SEPTIN9: variants seen among roughly 807,000 people sequenced by gnomAD.
The protein encoded by SEPTIN9 is septin-9.
In SEPTIN9, 13 loss-of-function variants were observed where a neutral mutation model predicts 56.6. The ratio of observed to expected loss-of-function variants is 0.23; its 90% CI spans 0.15 to 0.37. The LOEUF is 0.37. Among genes scored for constraint, SEPTIN9 ranks in the 10% least tolerant of loss-of-function variants. SEPTIN9 has a pLI of 1.00. For synonymous variants in SEPTIN9, 332 were observed against 334.1 expected (o/e 0.99, Z 0.07); for missense variants, 650 against 823.1 (o/e 0.79, Z 2.57).
chr17:77,326,190 A>G lies in SEPTIN9; in HGVS notation c.76+18993A>G, dbSNP rs959688883. On this transcript the variant is annotated intron_variant, in intron 2 of 11. Transcript: ENST00000427177. The surrounding 1 kb of genome is among the most constrained non-coding windows in gnomAD (Gnocchi z 5.1). ...GCAACCTTTGACCCCCAACATGACA[A>G]AATAAACCTCCCTTGCCGGTCACTC... is the stretch of plus-strand genomic sequence containing the variant. Among the ~76,000 whole-genome samples, 1 of 152,092 alleles carries G rather than the reference A, an allele frequency of 6.6e-6. No individual in the cohort carries two copies. The highest frequency in any genetic ancestry group is 1.5e-5 in the Non-Finnish European group (1 of 68,022).
Position 77,370,660 on chromosome 17 carries a change from A to G in SEPTIN9, c.77-31399A>G, listed in dbSNP as rs530384253. Among the ~76,000 whole-genome samples the G allele has an allele frequency of 1.0e-3, 157 of 152,206 alleles. 4 individuals are homozygous for G. The South Asian group carries it at 0.033, about 32-fold the overall frequency. ...CACCTTGCTGGATGCACAGGCCTTT[A>G]TAGTTCTTTTGTTCTTGCCAAATTT... On this transcript the variant is annotated intron_variant, in intron 2 of 11. Transcript: ENST00000427177.
chr17:77,468,268 A>AAAACAAAAC (rs1568094834), intron 3 of SEPTIN9, among the ~76,000 whole-genome samples: 10 of 152,060 alleles, frequency 6.6e-5, no homozygotes, highest in African/African-American at 2.4e-4. Context: ...CCATCTCAAA[A>AAAACAAAAC]AAAACAAAAC....
intron 2 of SEPTIN9, among the ~76,000 whole-genome samples, chr17:77,392,710 T>G (rs2035584332): frequency 6.6e-6 from 1 of 152,078 alleles, no homozygotes; most frequent in African/African-American, 2.4e-5. Flanking sequence ...CCCAGACCTT[T>G]GGCAGGTTTG....
chr17:77,493,289 C>A (rs376069510), intron 10 of SEPTIN9: 2 of 570,970 alleles, frequency 3.5e-6, no homozygotes, highest in Middle Eastern at 4.7e-4. Flanking sequence ...CAGACCTCCC[C>A]CCGGGCAGGG....
At chr17:77,493,267 A>G in intron 10 of SEPTIN9, 191 bp downstream of exon 10, 2 of 601,286 alleles carry the variant, frequency 3.3e-6, no homozygotes, top group Non-Finnish European at 6.0e-6. Flanking sequence ...GCCTGTGCAG[A>G]TGCCTCCACC....
intron 1 of SEPTIN9, among the ~76,000 whole-genome samples, chr17:77,290,282 G>A (rs1381381747): frequency 6.7e-6 from 1 of 149,860 alleles, no homozygotes; most frequent in Non-Finnish European, 1.5e-5. Flanking sequence ...TTTTGAGATG[G>A]AGTCTCGCTC....
intron 3 of SEPTIN9, among the ~76,000 whole-genome samples, chr17:77,467,411 G>A (rs2038790002): frequency 6.6e-6 from 1 of 152,208 alleles, no homozygotes; most frequent in African/African-American, 2.4e-5. Context: ...GTTCCTGGGA[G>A]AGACCCCAGG....
rs544924283 is a variant in SEPTIN9 at position 77,357,877 on chromosome 17, G to T, written c.77-44182G>T. On this transcript the variant is annotated intron_variant, in intron 2 of 11. Transcript: ENST00000427177. ...GCTGCAGGAGGGGTCAGAACCCCAA[G>T]CCCTAATCCTGGCTCTGTCATTAAC... Among the ~76,000 whole-genome samples the T allele has an allele frequency of 7.9e-4, 120 of 152,282 alleles. No individual in the cohort carries two copies. The Middle Eastern group carries it at 0.014, about 17-fold the overall frequency.
intron 3 of SEPTIN9, among the ~76,000 whole-genome samples, chr17:77,474,998 T>C (rs1458625702): frequency 6.6e-6 from 1 of 151,670 alleles, no homozygotes; most frequent in Non-Finnish European, 1.5e-5. Flanking sequence ...TGAGACCCAC[T>C]CTCTAAAAAA....
chr17:77,359,852 A>C (rs545012347), intron 2 of SEPTIN9, among the ~76,000 whole-genome samples: 6 of 152,058 alleles, frequency 3.9e-5, no homozygotes, highest in Non-Finnish European at 7.4e-5. Context: ...TGAGCACATA[A>C]CTCCAGATGT....
chr17:77,444,144 CCTT>C (rs2037650079), intron 3 of SEPTIN9, among the ~76,000 whole-genome samples: 1 of 152,074 alleles, frequency 6.6e-6, no homozygotes, highest in Non-Finnish European at 1.5e-5. Flanking sequence ...AGCGTAGGCT[CCTT>C]AGACAGGAGT....
In SEPTIN9 at chr17:77,487,353, AG is replaced by A. The variant is rs1181472894; in HGVS notation, c.914-67del. 1 of 1,505,186 alleles carries A rather than the reference AG, an allele frequency of 6.6e-7. No individual in the cohort carries two copies. Among genetic ancestry groups the A allele is most frequent in the Non-Finnish European group, 9.0e-7 (1 of 1,107,116 alleles). 93.2% of individuals were successfully genotyped at this position (1,505,186 alleles called of 1,614,324 possible). ...CTGGAGAGCCTCGTGCCTGGGTGGG[AG>A]GGGCCCCATGTGCAGACCCTGCTGG... is the stretch of plus-strand genomic sequence containing the variant. On this transcript the variant is annotated intron_variant, in intron 4 of 11. Coordinates refer to ENST00000427177, the MANE Select transcript of SEPTIN9 (RefSeq NM_001113491.2). The surrounding 1 kb of genome is among the most constrained non-coding windows in gnomAD (Gnocchi z 4.3).
At chr17:77,363,202 C>G (rs569074508) in intron 2 of SEPTIN9, among the ~76,000 whole-genome samples, 19 of 152,228 alleles carry the variant, frequency 1.2e-4, no homozygotes, top group Admixed American at 6.5e-4. Flanking sequence ...ACCCAAGACC[C>G]TGGGGAAGGC....
Position 77,475,979 on chromosome 17 carries a change from T to TG in SEPTIN9, c.722-6163dup. 4 of 1,462,924 alleles carry TG rather than the reference T, an allele frequency of 2.7e-6. No individual in the cohort carries two copies. The highest frequency in any genetic ancestry group is 3.8e-6 in the Non-Finnish European group (4 of 1,066,594). 90.6% of individuals were successfully genotyped at this position (1,462,924 alleles called of 1,614,324 possible). Reference sequence around the variant, plus strand: ...GTTGGGTTTGGGGAAGACAGGGGAATGGCATTGACTTGACCCTGAGCACTT... The same window carrying TG: ...GTTGGGTTTGGGGAAGACAGGGGAATGGGCATTGACTTGACCCTGAGCACTT... On this transcript the variant is annotated intron_variant, in intron 3 of 11. Transcript: ENST00000427177. The surrounding 1 kb of genome is among the most constrained non-coding windows in gnomAD (Gnocchi z 4.6).
At position 77,394,484 on chromosome 17, in the gene SEPTIN9, A is replaced by G. The variant is rs796371547; in HGVS notation, c.77-7575A>G. Among the ~76,000 whole-genome samples the G allele has an allele frequency of 3.9e-5, 6 of 152,162 alleles. 1 individual carries two copies. The South Asian group carries it at 1.2e-3, about 32-fold the overall frequency. On this transcript the variant is annotated intron_variant, in intron 2 of 11. Coordinates refer to ENST00000427177, the MANE Select transcript of SEPTIN9 (RefSeq NM_001113491.2). The stretch of plus-strand genomic sequence containing the variant: ...GACAGAACCTGCTTTGCTGCTGCTC[A>G]GAGGAGACCCAGTTTGACCAGGGCT...
chr17:77,333,532 A>C (rs2033438526), intron 2 of SEPTIN9, among the ~76,000 whole-genome samples: 1 of 151,922 alleles, frequency 6.6e-6, no homozygotes, highest in Non-Finnish European at 1.5e-5. Context: ...CGGCCTGTTC[A>C]TTTTCTTAGT....
At position 77,313,646 on chromosome 17, in the gene SEPTIN9, C is replaced by T. The variant is rs925708225; in HGVS notation, c.76+6449C>T. On this transcript the variant is annotated intron_variant, in intron 2 of 11. Transcript: ENST00000427177. The surrounding 1 kb of genome is among the most constrained non-coding windows in gnomAD (Gnocchi z 4.5). ...AGGGTCAGCAGGAGGGAGTCCAGGA[C>T]GGAGCTCCTTCATTTTTAATTCAGG... Among the ~76,000 whole-genome samples, 5 of 152,038 alleles carry T rather than the reference C, an allele frequency of 3.3e-5. No homozygotes were observed. Among genetic ancestry groups the T allele is most frequent in the Admixed American group, 1.3e-4 (2 of 15,270 alleles).
In SEPTIN9 at chr17:77,489,701, G is replaced by A. The variant is rs141473441; in HGVS notation, c.1262+837G>A. ...GGGCACCAGGTGCAGGAAGGAGCCT[G>A]GCTGGTGGGCAGCGGGCCTCACCCA... On this transcript the variant is annotated intron_variant, in intron 7 of 11. Transcript: ENST00000427177. 2.2e-3 allele frequency among the ~76,000 whole-genome samples: 339 copies of A among 152,316 alleles called. 2 individuals are homozygous for A. The highest frequency in any genetic ancestry group is 7.7e-3 in the African/African-American group (319 of 41,568).
chr17:77,309,540 G>A (rs2032399737), intron 2 of SEPTIN9, among the ~76,000 whole-genome samples: 2 of 152,106 alleles, frequency 1.3e-5, no homozygotes, highest in Admixed American at 1.3e-4. Context: ...ACGACTGTCT[G>A]CCATCCCATC....
Sources: allele counts gnomAD v4.1 joint callset (sites outside exome capture counted in the v4.1 genomes callset), GRCh38; gene constraint gnomAD v4.1.1; non-coding constraint Gnocchi (gnomAD v3.1); transcripts MANE v1.5; gene names NCBI Gene and HGNC (gene_info 2026-07-23, HGNC 2026-07-21).